Variants in CTBP2 observed in about 807,000 individuals in gnomAD.
CTBP2 encodes the protein C-terminal binding protein 2.
CTBP2 carries 30 observed loss-of-function variants against 80.3 expected under a neutral mutation model. That is an observed-to-expected ratio of 0.37 (90% CI 0.28 to 0.51). The LOEUF is 0.51. Among genes scored for constraint, CTBP2 ranks in the 20% least tolerant of loss-of-function variants. The pLI is 0.93. For synonymous variants in CTBP2, 594 were observed against 587.4 expected (o/e 1.01, Z -0.16); for missense variants, 1,212 against 1,375.3 (o/e 0.88, Z 1.88).
intron 2 of CTBP2, among the ~76,000 whole-genome samples, chr10:125,050,407 C>T (rs1962432938): frequency 6.6e-6 from 1 of 152,212 alleles, no homozygotes. Context: ...AATAAAATAG[C>T]TTGCAGCTAT....
In CTBP2 at chr10:125,002,914, C is replaced by A. The variant is rs564040819; in HGVS notation, c.1978+46G>T. 101 of 1,603,350 alleles carry A rather than the reference C, an allele frequency of 6.3e-5. No individual in the cohort carries two copies. In the East Asian group the frequency reaches 2.1e-3, roughly 34 times the overall value. On this transcript the variant is annotated intron_variant, in intron 3 of 8. Transcript: ENST00000309035. Reference sequence around the variant, plus strand: ...TCCAAGCCCACCCGAGCAGGGCCCACAGAGCTCCGGACAACTCCAGGCAGC... The same window carrying A: ...TCCAAGCCCACCCGAGCAGGGCCCAAAGAGCTCCGGACAACTCCAGGCAGC...
At chr10:125,011,992 A>G (rs1236261765) in intron 1 of CTBP2, among the ~76,000 whole-genome samples, 1 of 152,036 alleles carries the variant, frequency 6.6e-6, no homozygotes, top group Non-Finnish European at 1.5e-5. Context: ...GGTGCCATCC[A>G]CCCGGGGCAG....
At chr10:125,106,621 C>T (rs200069124) in intron 2 of CTBP2, among the ~76,000 whole-genome samples, 10 of 152,222 alleles carry the variant, frequency 6.6e-5, no homozygotes, top group Admixed American at 2.0e-4. Context: ...CTCCTGGCCC[C>T]GCCAAGAGTG....
intron 1 of CTBP2, among the ~76,000 whole-genome samples, chr10:125,011,398 G>T (rs1331860990): frequency 6.6e-6 from 1 of 152,208 alleles, no homozygotes; most frequent in East Asian, 1.9e-4. Flanking sequence ...CACAGAGCTG[G>T]CGAGGCAGGA....
At chr10:125,134,421 G>A (rs909212490) in intron 1 of CTBP2, among the ~76,000 whole-genome samples, 1 of 152,166 alleles carries the variant, frequency 6.6e-6, no homozygotes, top group Non-Finnish European at 1.5e-5. Flanking sequence ...GGGACCGCCT[G>A]GTGGGGAATT....
intron 2 of CTBP2, among the ~76,000 whole-genome samples, chr10:125,050,382 A>G (rs1318070352): frequency 6.6e-6 from 1 of 152,250 alleles, no homozygotes. Flanking sequence ...TCTTATCCAC[A>G]GTTATTTAAC....
intron 1 of CTBP2, among the ~76,000 whole-genome samples, chr10:125,112,211 C>A (rs1359426473): frequency 1.4e-5 from 2 of 147,862 alleles, no homozygotes; most frequent in Admixed American, 6.9e-5. Context: ...CTCCTGAGTT[C>A]AGGCAATTCT....
At chr10:125,151,814 T>C (rs1271311092) in intron 1 of CTBP2, among the ~76,000 whole-genome samples, 1 of 152,080 alleles carries the variant, frequency 6.6e-6, no homozygotes, top group Non-Finnish European at 1.5e-5. Context: ...CCGGCGACCC[T>C]GCTGGCTTGA....
intron 2 of CTBP2, among the ~76,000 whole-genome samples, chr10:125,040,990 A>C (rs1959571606): frequency 6.6e-6 from 1 of 152,356 alleles, no homozygotes; most frequent in Non-Finnish European, 1.5e-5. Context: ...ACCATATCGG[A>C]TCAGTCAGGA....
chr10:125,054,819 C>T lies in CTBP2; in HGVS notation c.-101-15664G>A, dbSNP rs118192040. ...AACAAGCGAAACCCTCTAAATCCTC[C>T]GCTGCCCAGACTGACATGAGGTCTG... On this transcript the variant is annotated intron_variant, in intron 2 of 10. Coordinates refer to the CTBP2 transcript ENST00000337195. Among the ~76,000 whole-genome samples, 1,373 of 152,318 alleles carry T rather than the reference C, an allele frequency of 9.0e-3. 13 individuals are homozygous for T. The highest frequency in any genetic ancestry group is 0.02 in the Middle Eastern group (6 of 294).
At chr10:125,098,292 G>C (rs1002173527) in intron 2 of CTBP2, among the ~76,000 whole-genome samples, 1 of 152,140 alleles carries the variant, frequency 6.6e-6, no homozygotes, top group Non-Finnish European at 1.5e-5. Context: ...CTCTTGGAGT[G>C]AACGGAATGG....
chr10:125,002,544 G>A (rs1230933567), intron 3 of CTBP2, among the ~76,000 whole-genome samples: 2 of 152,186 alleles, frequency 1.3e-5, no homozygotes, highest in African/African-American at 4.8e-5. Flanking sequence ...TGTGGACAGG[G>A]GCCTAGAGCT....
intron 1 of CTBP2, among the ~76,000 whole-genome samples, chr10:125,021,091 T>C (rs1956989570): frequency 6.6e-6 from 1 of 152,002 alleles, no homozygotes; most frequent in Non-Finnish European, 1.5e-5. Flanking sequence ...GGAAGTGCTG[T>C]GAAGGCGGCA....
At chr10:125,044,672 C>T (rs569093864) in intron 2 of CTBP2, among the ~76,000 whole-genome samples, 5 of 152,308 alleles carry the variant, frequency 3.3e-5, no homozygotes, top group South Asian at 4.1e-4. Flanking sequence ...AAGGCTGAGA[C>T]GGGCAGCTCT....
upstream of CTBP2, among the ~76,000 whole-genome samples, chr10:125,031,382 G>T (rs1031070000): frequency 2.7e-5 from 4 of 150,866 alleles, no homozygotes; most frequent in Non-Finnish European, 5.9e-5. Context: ...CCAGCTACTC[G>T]GGAGGCTGAG....
At chr10:125,000,435 G>A (rs1200221691) in intron 3 of CTBP2, 2 of 152,368 alleles carry the variant, frequency 1.3e-5, no homozygotes, top group East Asian at 3.9e-4. Flanking sequence ...AAAGAGGCAA[G>A]CTGCTTTTCT....
At chr10:125,079,740 T>C (rs1397233166) in intron 2 of CTBP2, among the ~76,000 whole-genome samples, 1 of 152,228 alleles carries the variant, frequency 6.6e-6, no homozygotes, top group East Asian at 1.9e-4. Context: ...GGTTGCTAAT[T>C]TGAATAGAAT....
intron 2 of CTBP2, among the ~76,000 whole-genome samples, chr10:125,050,521 C>CG (rs1962468030): frequency 6.6e-6 from 1 of 152,186 alleles, no homozygotes; most frequent in South Asian, 2.1e-4. Context: ...AAAGGGAGAG[C>CG]GGGCGTCTCG....
At chr10:125,085,899 C>T (rs964403050) in intron 2 of CTBP2, among the ~76,000 whole-genome samples, 3 of 152,264 alleles carry the variant, frequency 2.0e-5, no homozygotes, top group East Asian at 1.9e-4. Flanking sequence ...CCAGTGCCTT[C>T]GTGGTCAAGA....
Sources: allele counts gnomAD v4.1 joint callset (sites outside exome capture counted in the v4.1 genomes callset), GRCh38; gene constraint gnomAD v4.1.1; transcripts MANE v1.5; gene names NCBI Gene and HGNC (gene_info 2026-07-23, HGNC 2026-07-21).